YWHAG: variants seen among roughly 807,000 people sequenced by gnomAD.
YWHAG encodes tyrosine 3-monooxygenase/tryptophan 5-monooxygenase activation protein gamma, also known as 14-3-3 protein gamma.
In YWHAG, 1 loss-of-function variant was observed where a neutral mutation model predicts 23.3. The observed-to-expected ratio is 0.04, with a 90% CI of 0.02 to 0.20. The LOEUF (loss-of-function observed/expected upper bound fraction) is 0.20. Ranked by LOEUF, YWHAG falls within the 10% of genes least tolerant of loss-of-function variation. The probability of loss-of-function intolerance (pLI) is 1.00; values close to 1 mark genes in which losing one functional copy is unlikely to be tolerated. For missense variants in YWHAG, 151 were observed against 338.6 expected (o/e 0.45, Z 4.35); for synonymous variants, 160 against 144.0 (o/e 1.11, Z -0.80).
At position 76,342,037 on chromosome 7, in the gene YWHAG, C is replaced by T. The variant is rs76193481; in HGVS notation, c.88-11804G>A. ...ATGCTTCTTAATACATGGACTTACA[C>T]ACAGAAAACTCACTGTAATGGAGCA... On this transcript the variant is annotated intron_variant, in intron 1 of 1. Coordinates refer to ENST00000307630, the MANE Select transcript of YWHAG (RefSeq NM_012479.4). 1.9e-3 allele frequency among the ~76,000 whole-genome samples: 292 copies of T among 152,274 alleles called. 3 individuals carry two copies. The highest frequency in any genetic ancestry group is 6.8e-3 in the African/African-American group (283 of 41,568).
intron 1 of YWHAG, among the ~76,000 whole-genome samples, chr7:76,336,776 A>T: frequency 6.9e-6 from 1 of 145,972 alleles, no homozygotes. Flanking sequence ...TTTTTTTTCA[A>T]CCTAGCAAGT....
At chr7:76,358,690 G>C in intron 1 of YWHAG, 32 bp downstream of exon 1, 5 of 1,533,516 alleles carry the variant, frequency 3.3e-6, no homozygotes, top group Non-Finnish European at 4.4e-6. Context: ...CGGAGGGGCA[G>C]GGAGCGGCGG....
At chr7:76,331,286 G>GGGATGGGGAGAGGAGA (rs1554616743) in intron 1 of YWHAG, among the ~76,000 whole-genome samples, 1 of 150,188 alleles carries the variant, frequency 6.7e-6, no homozygotes, top group African/African-American at 2.5e-5. Flanking sequence ...GCTGGGGATG[G>GGGATGGGGAGAGGAGA]GGAGAGGAGA....
intron 1 of YWHAG, among the ~76,000 whole-genome samples, chr7:76,356,084 A>C (rs1484714921): frequency 6.6e-6 from 1 of 152,260 alleles, no homozygotes; most frequent in Non-Finnish European, 1.5e-5. Context: ...TAATTTCATT[A>C]AACTCAAATA....
intron 1 of YWHAG, among the ~76,000 whole-genome samples, chr7:76,350,186 C>A (rs1803853290): frequency 6.6e-6 from 1 of 152,222 alleles, no homozygotes; most frequent in African/African-American, 2.4e-5. Context: ...TCCAAAGAAG[C>A]ATAAGGGAGA....
intron 1 of YWHAG, among the ~76,000 whole-genome samples, chr7:76,344,261 C>T (rs371853796): frequency 6.6e-6 from 1 of 152,138 alleles, no homozygotes; most frequent in African/African-American, 2.4e-5. Context: ...CAGGTGCATG[C>T]CACCACGTCT....
intron 1 of YWHAG, among the ~76,000 whole-genome samples, 174 bp downstream of exon 1, chr7:76,358,548 C>T (rs544367017): frequency 1.3e-5 from 2 of 152,198 alleles, no homozygotes; most frequent in Non-Finnish European, 1.5e-5. Context: ...AAAGAGGCCG[C>T]GTCACAGCCC....
At chr7:76,334,745 A>C (rs1803593515) in intron 1 of YWHAG, among the ~76,000 whole-genome samples, 1 of 149,084 alleles carries the variant, frequency 6.7e-6, no homozygotes, top group Non-Finnish European at 1.5e-5. Flanking sequence ...AAAAGAAAGA[A>C]AGAAAGAAAA....
At chr7:76,353,614 C>G (rs917016838) in intron 1 of YWHAG, among the ~76,000 whole-genome samples, 12 of 152,110 alleles carry the variant, frequency 7.9e-5, no homozygotes, top group Non-Finnish European at 1.0e-4. Flanking sequence ...CTACAAATGA[C>G]AATTTTAAGT....
rs531013710 is a variant in YWHAG at position 76,331,582 on chromosome 7, T to C, written c.88-1349A>G. ...TTTTTTTTTAGCTCATCAACTATTGTTAGTGTTAGTGTATTTTATGTGTGG... is the reference window on the plus strand; with the variant it reads ...TTTTTTTTTAGCTCATCAACTATTGCTAGTGTTAGTGTATTTTATGTGTGG... On this transcript the variant is annotated intron_variant, in intron 1 of 1. Coordinates refer to ENST00000307630, the MANE Select transcript of YWHAG (RefSeq NM_012479.4). Among the ~76,000 whole-genome samples, 7 of 151,970 alleles carry C rather than the reference T, an allele frequency of 4.6e-5. No homozygotes were observed. In the South Asian group the frequency reaches 1.5e-3, roughly 32 times the overall value.
At chr7:76,331,207 TC>T (rs1803536172) in intron 1 of YWHAG, among the ~76,000 whole-genome samples, 1 of 151,830 alleles carries the variant, frequency 6.6e-6, no homozygotes. Flanking sequence ...AGCCTCAACC[TC>T]CCCAGGCTCA....
rs377253053 is a variant in YWHAG, at chr7:76,356,163, G to T, written c.87+2559C>A. ...AGAGCTCACTTGAGTGGTAAGATTG[G>T]TTTCTTTCTCTGCAGTTTCCAAATT... On this transcript the variant is annotated intron_variant, in intron 1 of 1. Transcript: ENST00000307630. Among the ~76,000 whole-genome samples, 3 of 152,150 alleles carry T rather than the reference G, an allele frequency of 2.0e-5. No homozygotes were observed. The East Asian group carries it at 5.8e-4, about 29-fold the overall frequency.
intron 1 of YWHAG, among the ~76,000 whole-genome samples, chr7:76,339,023 A>G (rs758843467): frequency 2.0e-5 from 3 of 152,344 alleles, no homozygotes; most frequent in Non-Finnish European, 4.4e-5. Context: ...CCTGTTATTC[A>G]TACCTACAAT....
chr7:76,329,150 C>T lies in YWHAG; in HGVS notation c.*427G>A, dbSNP rs923479681. On this transcript the variant is annotated 3_prime_UTR_variant, in exon 2 of 2. Transcript: ENST00000307630. This position sits in a 1 kb window ranked among gnomAD's most constrained non-coding sequence, Gnocchi z 6.1. Reference sequence around the variant, plus strand: ...CTACACCCTGGAAAACATGCAGAGCCGAGACAGATGAGATAGAAAGTACCC... The same window carrying T: ...CTACACCCTGGAAAACATGCAGAGCTGAGACAGATGAGATAGAAAGTACCC... 1.7e-5 allele frequency: 3 copies of T among 176,538 alleles called. No homozygotes were observed. Among genetic ancestry groups the T allele is most frequent in the Admixed American group, 5.6e-5 (1 of 17,720 alleles). 10.9% of individuals were successfully genotyped at this position (176,538 alleles called of 1,614,324 possible). A position where few individuals can be genotyped will look rare whatever the true frequency, so the allele number is the denominator to read the frequency against.
chr7:76,334,546 G>A (rs1305133440), intron 1 of YWHAG, among the ~76,000 whole-genome samples: 2 of 151,908 alleles, frequency 1.3e-5, no homozygotes, highest in South Asian at 4.2e-4. Context: ...CTCCAGAGAA[G>A]CTGGGACTAC....
chr7:76,335,335 C>A (rs536153590), intron 1 of YWHAG, among the ~76,000 whole-genome samples: 2 of 152,158 alleles, frequency 1.3e-5, no homozygotes, highest in African/African-American at 4.8e-5. Context: ...GGATTACAGG[C>A]GTGAGCCACC....
chr7:76,354,664 T>A (rs560359516), intron 1 of YWHAG, among the ~76,000 whole-genome samples: 1 of 152,272 alleles, frequency 6.6e-6, no homozygotes, highest in South Asian at 2.1e-4. Flanking sequence ...TGGCGTCCCA[T>A]CAGTTAAGAG....
chr7:76,356,710 A>G (rs906231506), intron 1 of YWHAG, among the ~76,000 whole-genome samples: 1 of 152,254 alleles, frequency 6.6e-6, no homozygotes, highest in Non-Finnish European at 1.5e-5. Flanking sequence ...AAATGAGATG[A>G]ATGTTTAAAA....
chr7:76,340,191 G>A (rs1466140388), intron 1 of YWHAG, among the ~76,000 whole-genome samples: 1 of 152,102 alleles, frequency 6.6e-6, no homozygotes, highest in African/African-American at 2.4e-5. Context: ...TTGTGCAAGG[G>A]GCAACTGTAT....
Sources: gnomAD v4.1 joint callset for allele counts (sites outside exome capture counted in the v4.1 genomes callset) on GRCh38, gnomAD v4.1.1 for gene constraint, Gnocchi (gnomAD v3.1) non-coding constraint, MANE v1.5 for transcripts, NCBI Gene and HGNC (gene_info 2026-07-23, HGNC 2026-07-21) for gene names.